Variants in CHODL observed in about 807,000 individuals in gnomAD.
CHODL encodes the protein chondrolectin.
Under a neutral mutation model 34.5 loss-of-function variants are expected in CHODL, and 29 were observed. The ratio of observed to expected loss-of-function variants is 0.84; its 90% CI spans 0.63 to 1.15. The LOEUF is 1.15. CHODL is among the 50% of genes most tolerant of loss of function. The pLI is 0.00. For missense variants in CHODL, 332 were observed against 332.5 expected, an observed-to-expected ratio of 1.00 and a Z score of 0.01; for synonymous variants, 125 against 116.1, an observed-to-expected ratio of 1.08 and a Z score of -0.49.
intron 2 of CHODL, among the ~76,000 whole-genome samples, chr21:18,211,355 G>A (rs1245867206): frequency 2.0e-5 from 3 of 152,158 alleles, no homozygotes; most frequent in East Asian, 1.9e-4. Context: ...TTAGGACACT[G>A]AACAGCATAT....
At chr21:18,168,749 G>C (rs1238385676) in intron 2 of CHODL, among the ~76,000 whole-genome samples, 2 of 151,896 alleles carry the variant, frequency 1.3e-5, no homozygotes, top group Non-Finnish European at 2.9e-5. Flanking sequence ...GATGTCTTTT[G>C]AATCTATGCT....
At chr21:18,014,870 A>G (rs1247783755) in intron 1 of CHODL, among the ~76,000 whole-genome samples, 1 of 152,208 alleles carries the variant, frequency 6.6e-6, no homozygotes, top group East Asian at 1.9e-4. Flanking sequence ...GTATTTCTTT[A>G]TAACAGTGCA....
At chr21:18,065,194 T>C (rs2064716716) in intron 2 of CHODL, among the ~76,000 whole-genome samples, 1 of 152,222 alleles carries the variant, frequency 6.6e-6, no homozygotes, top group African/African-American at 2.4e-5. Context: ...GATTCTCTTT[T>C]TGTAGCCAGT....
At chr21:17,921,744 T>C (rs1429661885) in intron 1 of CHODL, among the ~76,000 whole-genome samples, 1 of 152,204 alleles carries the variant, frequency 6.6e-6, no homozygotes, top group East Asian at 1.9e-4. Flanking sequence ...GGCAATGTGT[T>C]GACACAGGTT....
At chr21:18,242,054 C>T (rs908691550), upstream of CHODL, among the ~76,000 whole-genome samples, 9 of 151,922 alleles carry the variant, frequency 5.9e-5, no homozygotes, top group African/African-American at 2.2e-4. Context: ...CTCCTGACTG[C>T]CAGTCATATG....
intron 1 of CHODL, among the ~76,000 whole-genome samples, chr21:17,979,045 C>T (rs1327298392): frequency 3.9e-5 from 6 of 152,058 alleles, no homozygotes; most frequent in African/African-American, 1.2e-4. Context: ...ACATTCTCTG[C>T]GTTTAAGGAC....
At chr21:18,023,336 A>G (rs2064144697) in intron 1 of CHODL, among the ~76,000 whole-genome samples, 1 of 152,108 alleles carries the variant, frequency 6.6e-6, no homozygotes, top group Non-Finnish European at 1.5e-5. Context: ...TGGTTGTGGT[A>G]TGAGCCAGAC....
At chr21:18,106,923 C>G (rs1399915398) in intron 2 of CHODL, among the ~76,000 whole-genome samples, 1 of 152,142 alleles carries the variant, frequency 6.6e-6, no homozygotes, top group Non-Finnish European at 1.5e-5. Flanking sequence ...TGGTTGTTGT[C>G]CCTGCACCCA....
chr21:18,245,600 G>A (rs2074130578), intron 1 of CHODL, among the ~76,000 whole-genome samples: 2 of 152,160 alleles, frequency 1.3e-5, no homozygotes, highest in Admixed American at 6.5e-5. Context: ...CTTTGTGAGA[G>A]AGTTGACCAC....
At chr21:18,024,206 T>A (rs1665106781) in intron 1 of CHODL, among the ~76,000 whole-genome samples, 1 of 152,208 alleles carries the variant, frequency 6.6e-6, no homozygotes, top group Non-Finnish European at 1.5e-5. Flanking sequence ...AACCTAAATG[T>A]TTAGAATATA....
At chr21:17,948,351 TTAAA>T (rs2063429320) in intron 1 of CHODL, among the ~76,000 whole-genome samples, 1 of 151,498 alleles carries the variant, frequency 6.6e-6, no homozygotes, top group Non-Finnish European at 1.5e-5. Context: ...AAGAAAGATC[TTAAA>T]TAAACAAGCT....
intron 2 of CHODL, among the ~76,000 whole-genome samples, chr21:18,082,918 GA>G (rs879403369): frequency 0.014 from 1,779 of 130,298 alleles, 17 homozygotes; most frequent in African/African-American, 0.039. Flanking sequence ...CATGTAGGAG[GA>G]AAAAAAAAAA....
intron 2 of CHODL, among the ~76,000 whole-genome samples, chr21:18,158,992 C>G (rs1158118047): frequency 1.3e-5 from 2 of 152,148 alleles, no homozygotes; most frequent in African/African-American, 2.4e-5. Flanking sequence ...ACAGCACTTT[C>G]TGGTTTTTGT....
intron 1 of CHODL, among the ~76,000 whole-genome samples, chr21:18,009,486 T>C (rs1430184298): frequency 1.3e-5 from 2 of 152,102 alleles, no homozygotes; most frequent in African/African-American, 2.4e-5. Context: ...TAATGTTATA[T>C]ATAATTTAAT....
intron 2 of CHODL, among the ~76,000 whole-genome samples, chr21:18,093,957 A>G (rs2065106383): frequency 6.6e-6 from 1 of 152,094 alleles, no homozygotes; most frequent in Admixed American, 6.6e-5. Context: ...GGAAGATCCA[A>G]TGATCTATGC....
chr21:18,245,388 C>T, intron 1 of CHODL, 86 bp downstream of exon 1: 3 of 1,201,466 alleles, frequency 2.5e-6, no homozygotes, highest in Non-Finnish European at 3.4e-6. Context: ...GGCGGAGGCT[C>T]TCCGGGGCGT....
chr21:18,227,466 G>A (rs2073941134), intron 2 of CHODL, among the ~76,000 whole-genome samples: 2 of 152,110 alleles, frequency 1.3e-5, no homozygotes, highest in Admixed American at 1.3e-4. Context: ...GTTGTGTGTA[G>A]TGGGTATTTA....
intron 2 of CHODL, among the ~76,000 whole-genome samples, chr21:18,215,456 G>A (rs2073817182): frequency 6.6e-6 from 1 of 152,142 alleles, no homozygotes; most frequent in Admixed American, 6.5e-5. Flanking sequence ...TGGTCTTGAC[G>A]ATATCTTTTG....
chr21:18,005,006 C>T (rs2063946810), intron 1 of CHODL, among the ~76,000 whole-genome samples: 2 of 152,104 alleles, frequency 1.3e-5, no homozygotes, highest in Admixed American at 1.3e-4. Context: ...CTTTATATAC[C>T]TCAGCCCATT....
Sources: gnomAD v4.1 joint callset for allele counts (sites outside exome capture counted in the v4.1 genomes callset) on GRCh38, gnomAD v4.1.1 for gene constraint, MANE v1.5 for transcripts, NCBI Gene and HGNC (gene_info 2026-07-23, HGNC 2026-07-21) for gene names.